Variants in GREB1L observed in about 807,000 individuals in gnomAD.
The protein encoded by GREB1L is GREB1 like retinoic acid receptor coactivator.
In GREB1L, 17 loss-of-function variants were observed where a neutral mutation model predicts 200.8. That is an observed-to-expected ratio of 0.08 (90% CI 0.06 to 0.13). The LOEUF is 0.13. Among genes scored for constraint, GREB1L ranks in the 10% least tolerant of loss-of-function variants. The pLI, the probability that GREB1L is intolerant of heterozygous loss-of-function variation, is 1.00. For missense variants in GREB1L, 1,657 were observed against 2,367.7 expected, an observed-to-expected ratio of 0.70 and a Z score of 6.23; for synonymous variants, 789 against 893.0, an observed-to-expected ratio of 0.88 and a Z score of 2.08.
intron 1 of GREB1L, among the ~76,000 whole-genome samples, chr18:21,296,426 T>C: frequency 6.6e-6 from 1 of 152,128 alleles, no homozygotes; most frequent in African/African-American, 2.4e-5. Flanking sequence ...TGGGGACTAC[T>C]GGAGGGGATG....
chr18:21,427,358 A>G (rs1386765728), intron 7 of GREB1L, among the ~76,000 whole-genome samples: 2 of 152,076 alleles, frequency 1.3e-5, no homozygotes, highest in Non-Finnish European at 2.9e-5. Context: ...ACAAAAAATT[A>G]GCCGGGCATG....
intron 7 of GREB1L, among the ~76,000 whole-genome samples, chr18:21,417,268 TC>T (rs2031728821): frequency 6.6e-6 from 1 of 152,098 alleles, no homozygotes; most frequent in South Asian, 2.1e-4. Flanking sequence ...ACGCCTGTAA[TC>T]CTAGCACTTT....
At chr18:21,498,047 C>T (rs1397632735) in intron 21 of GREB1L, among the ~76,000 whole-genome samples, 1 of 152,038 alleles carries the variant, frequency 6.6e-6, no homozygotes, top group African/African-American at 2.4e-5. Context: ...GTCTCGATCC[C>T]ATGACCTCAG....
chr18:21,387,561 A>C (rs1257297674), intron 4 of GREB1L: 1 of 152,212 alleles, frequency 6.6e-6, no homozygotes, highest in African/African-American at 2.4e-5. Flanking sequence ...CCCTTAGGAT[A>C]CTCTTAACCA....
intron 15 of GREB1L, among the ~76,000 whole-genome samples, chr18:21,463,704 A>G (rs2035150349): frequency 6.6e-6 from 1 of 152,034 alleles, no homozygotes; most frequent in Non-Finnish European, 1.5e-5. Flanking sequence ...CAGCCTCCCA[A>G]GTATTTGGAA....
chr18:21,274,535 T>C (rs1245137799), intron 1 of GREB1L, among the ~76,000 whole-genome samples: 1 of 152,150 alleles, frequency 6.6e-6, no homozygotes, highest in Admixed American at 6.6e-5. Context: ...CTCAGCCTCC[T>C]GAGTAGCTGT....
At chr18:21,289,621 A>G (rs888378254) in intron 1 of GREB1L, among the ~76,000 whole-genome samples, 1 of 152,138 alleles carries the variant, frequency 6.6e-6, no homozygotes, top group Non-Finnish European at 1.5e-5. Context: ...CATTTTACTG[A>G]TACTGACTTA....
intron 1 of GREB1L, among the ~76,000 whole-genome samples, chr18:21,287,117 C>A (rs1477305717): frequency 6.6e-6 from 1 of 151,774 alleles, no homozygotes; most frequent in Non-Finnish European, 1.5e-5. Flanking sequence ...ATGAGCTAAC[C>A]CTCTAGTAGA....
At position 21,434,425 on chromosome 18, in the gene GREB1L, G is replaced by A. The variant is rs1424581913; in HGVS notation, c.833-5096G>A. On this transcript the variant is annotated intron_variant, in intron 7 of 32. Transcript: ENST00000424526. ...CAGGAGGAAGAGGTTGCAGTGAGCC[G>A]AGATCACACCACTGCACTCCAGCCT... Among the ~76,000 whole-genome samples, 12 of 150,502 alleles carry A rather than the reference G, an allele frequency of 8.0e-5. No homozygotes were observed. In the East Asian group the frequency reaches 1.6e-3, roughly 20 times the overall value.
At chr18:21,475,232 CTCACTA>C (rs150924155) in intron 16 of GREB1L, among the ~76,000 whole-genome samples, 86 of 152,310 alleles carry the variant, frequency 5.6e-4, no homozygotes, top group African/African-American at 2.0e-3. Context: ...TCCTTCCTCT[CTCACTA>C]TTTCTCCTCT....
intron 1 of GREB1L, among the ~76,000 whole-genome samples, chr18:21,329,975 G>A (rs911459788): frequency 6.7e-6 from 1 of 150,336 alleles, no homozygotes; most frequent in Non-Finnish European, 1.5e-5. Flanking sequence ...TTTTTGGGGG[G>A]GGGGGGTCTT....
Position 21,496,643 on chromosome 18 carries a change from G to T in GREB1L, c.3336G>T (p.Leu1112=). The T allele has an allele frequency of 1.9e-6, 3 of 1,551,664 alleles. No individual in the cohort carries two copies. The highest frequency in any genetic ancestry group is 2.6e-6 in the Non-Finnish European group (3 of 1,146,978). The change falls in exon 21 of 33, where the codon CTG becomes CTT. Residue 1112 remains leucine (L), a synonymous_variant. Coordinates refer to ENST00000424526, the MANE Select transcript of GREB1L (RefSeq NM_001142966.3). ...TCAGTGAGAATGACTCCGATGAGCT[G>T]CTCATCGACCTGGAGCGGCCCCAGA... ...AAVSENDSDE[L]LIDLERPQSN... is the part of the protein sequence containing the mutation.
intron 1 of GREB1L, among the ~76,000 whole-genome samples, chr18:21,263,951 A>G (rs2037927831): frequency 6.6e-6 from 1 of 152,206 alleles, no homozygotes; most frequent in Non-Finnish European, 1.5e-5. Context: ...TTATAGGAAG[A>G]TTGTTGGCAG....
Position 21,496,233 on chromosome 18 carries a change from C to A in GREB1L, c.3147-221C>A, listed in dbSNP as rs532522518. Among the ~76,000 whole-genome samples the A allele has an allele frequency of 1.7e-4, 26 of 152,230 alleles. No individual in the cohort carries two copies. The South Asian group carries it at 5.4e-3, about 32-fold the overall frequency. ...CAGTCCTTAAAACAACCATATGAGC[C>A]CGACACTATCCACTCTTTTTATATT... On this transcript the variant is annotated intron_variant, in intron 20 of 32. Transcript: ENST00000424526.
intron 16 of GREB1L, 113 bp from the exon 17 acceptor site, chr18:21,477,051 C>G: frequency 1.5e-6 from 1 of 662,844 alleles, no homozygotes; most frequent in South Asian, 3.7e-5. Flanking sequence ...TCTCTGCTCC[C>G]AATTGAAAAG....
rs778569433 is a variant in GREB1L at position 21,384,322 on chromosome 18, G to A, written c.274G>A (p.Asp92Asn). ...TAATGAAATGGAAGATGATGAAGAC[G>A]ATGAAGAAATGTCTGATTCAAACAG... ...TVNEMEDDED[D>N]EEMSDSNSPP... The change falls in exon 4 of 33, where the codon GAT becomes AAT. Residue 92 changes from aspartate to asparagine, a missense_variant. This residue lies in a region of GREB1L where 121 missense variants were observed against 126.6 expected (regional missense o/e 0.96). Transcript: ENST00000424526. 6.4e-6 allele frequency: 10 copies of A among 1,551,488 alleles called. No homozygotes were observed. Among genetic ancestry groups the A allele is most frequent in the Non-Finnish European group, 6.1e-6 (7 of 1,146,784 alleles).
In GREB1L at chr18:21,408,587, A is replaced by C. The variant is rs2030566647; in HGVS notation, c.832+4593A>C. ...AGGCAGGTGGATCATCCGAGGTCAG[A>C]AGTTTGAGACCAGCCTGACCAACAT... On this transcript the variant is annotated intron_variant, in intron 7 of 32. Transcript: ENST00000424526. Among the ~76,000 whole-genome samples, 2 of 151,918 alleles carry C rather than the reference A, an allele frequency of 1.3e-5. 1 individual carries two copies. Among genetic ancestry groups the C allele is most frequent in the African/African-American group, 4.8e-5 (2 of 41,370 alleles).
At chr18:21,395,654 CAG>C in intron 5 of GREB1L, 93 bp downstream of exon 5, 1 of 892,136 alleles carries the variant, frequency 1.1e-6, no homozygotes, top group Non-Finnish European at 1.7e-6. Flanking sequence ...AAAAATATAC[CAG>C]AGGATTATTT....
chr18:21,242,927 G>C (rs1479501751), intron 1 of GREB1L, among the ~76,000 whole-genome samples: 1 of 152,126 alleles, frequency 6.6e-6, no homozygotes, highest in East Asian at 1.9e-4. Context: ...GTTCAGCCTG[G>C]GAAAGTTGAG....
Sources: allele counts gnomAD v4.1 joint callset (sites outside exome capture counted in the v4.1 genomes callset), GRCh38; gene constraint gnomAD v4.1.1; regional missense constraint gnomAD v4.1.1; transcripts MANE v1.5; gene names NCBI Gene and HGNC (gene_info 2026-07-23, HGNC 2026-07-21).